PTN: variants seen among roughly 807,000 people sequenced by gnomAD.
The protein encoded by PTN is pleiotrophin.
A neutral mutation model predicts 24.1 loss-of-function variants in PTN; 18 were observed. That is an observed-to-expected ratio of 0.75 (90% CI 0.52 to 1.11). PTN has a LOEUF of 1.11. PTN is among the 50% of genes least tolerant of loss of function. The pLI is 0.00. For synonymous variants in PTN, 78 were observed against 68.6 expected, an observed-to-expected ratio of 1.14 and a Z score of -0.67; for missense variants, 163 against 198.8, an observed-to-expected ratio of 0.82 and a Z score of 1.08.
intron 1 of PTN, among the ~76,000 whole-genome samples, chr7:137,279,979 A>C (rs906296559): frequency 3.2e-4 from 48 of 152,192 alleles, no homozygotes; most frequent in Non-Finnish European, 4.7e-4. Context: ...TTATCAAATT[A>C]ATTGAATATT....
intron 1 of PTN, among the ~76,000 whole-genome samples, chr7:137,269,436 T>G (rs1809225944): frequency 6.6e-6 from 1 of 152,084 alleles, no homozygotes; most frequent in African/African-American, 2.4e-5. Context: ...CCCTGTCAGA[T>G]CTGTCTCATG....
chr7:137,333,583 T>A (rs13228711), intron 1 of PTN, among the ~76,000 whole-genome samples: 16,917 of 152,254 alleles, frequency 0.11, 1,186 homozygotes, highest in Middle Eastern at 0.21. Flanking sequence ...AATGCAGTTA[T>A]AGACGTTAAA....
At chr7:137,333,716 A>C (rs1463726498) in intron 1 of PTN, among the ~76,000 whole-genome samples, 3 of 152,216 alleles carry the variant, frequency 2.0e-5, no homozygotes, top group Non-Finnish European at 4.4e-5. Flanking sequence ...GGAACCAAAA[A>C]AGAGCCTGCA....
chr7:137,252,688 A>G (rs1353281416), intron 3 of PTN, among the ~76,000 whole-genome samples: 1 of 151,918 alleles, frequency 6.6e-6, no homozygotes, highest in Non-Finnish European at 1.5e-5. Flanking sequence ...GCATTTCCAT[A>G]GAACACAGAT....
intron 4 of PTN, among the ~76,000 whole-genome samples, chr7:137,243,466 A>G (rs1808668221): frequency 6.6e-6 from 1 of 152,200 alleles, no homozygotes; most frequent in African/African-American, 2.4e-5. Context: ...CCCACAGGAG[A>G]GAGGGGTAAG....
At chr7:137,253,669 A>G (rs1208972236) in intron 2 of PTN, 32 bp from the exon 3 acceptor site, 2 of 1,473,364 alleles carry the variant, frequency 1.4e-6, no homozygotes, top group African/African-American at 2.8e-5. Flanking sequence ...TAATCAACAT[A>G]CAGAAAACTC....
At chr7:137,329,814 C>T (rs886594280) in intron 1 of PTN, among the ~76,000 whole-genome samples, 3 of 152,124 alleles carry the variant, frequency 2.0e-5, no homozygotes, top group African/African-American at 7.2e-5. Flanking sequence ...ATACTCAATG[C>T]ATATTCAGGA....
Position 137,243,339 on chromosome 7 carries a change from G to T in PTN, c.451+7891C>A, listed in dbSNP as rs374900690. On this transcript the variant is annotated intron_variant, in intron 4 of 4. Coordinates refer to ENST00000348225, the MANE Select transcript of PTN (RefSeq NM_002825.7). ...TTCCCGCAGAAAATAAAAAGTGACT[G>T]GTAATTCCAGTGAGGAGAGACCCAA... Among the ~76,000 whole-genome samples the T allele has an allele frequency of 5.9e-5, 9 of 152,264 alleles. No homozygotes were observed. The East Asian group carries it at 9.7e-4, about 16-fold the overall frequency.
chr7:137,278,402 A>G (rs1233409656), intron 1 of PTN, among the ~76,000 whole-genome samples: 3 of 151,414 alleles, frequency 2.0e-5, no homozygotes, highest in Non-Finnish European at 2.9e-5. Flanking sequence ...ATTGTATGCT[A>G]TCTAGAAGAG....
In PTN at chr7:137,260,007, A is replaced by G. The variant is rs544547544; in HGVS notation, c.-1-5033T>C. Among the ~76,000 whole-genome samples, 30 of 152,286 alleles carry G rather than the reference A, an allele frequency of 2.0e-4. No homozygotes were observed. In the South Asian group the frequency reaches 6.0e-3, roughly 30 times the overall value. ...TTTAAAGTACCTAAGATTTTAAAAT[A>G]GCTACTACTCATTACACTTTTTGCT... is the stretch of plus-strand genomic sequence containing the variant. On this transcript the variant is annotated intron_variant, in intron 1 of 4. Coordinates refer to ENST00000348225, the MANE Select transcript of PTN (RefSeq NM_002825.7).
At chr7:137,266,868 CTTTTTTTTT>C (rs57274644) in intron 1 of PTN, among the ~76,000 whole-genome samples, 2 of 98,742 alleles carry the variant, frequency 2.0e-5, no homozygotes, top group Non-Finnish European at 4.3e-5. Flanking sequence ...TATAGATGGC[CTTTTTTTTT>C]TTTTTTTTTT....
At chr7:137,286,515 C>G (rs908267754) in intron 1 of PTN, among the ~76,000 whole-genome samples, 1 of 152,084 alleles carries the variant, frequency 6.6e-6, no homozygotes, top group Non-Finnish European at 1.5e-5. Flanking sequence ...AACATCATAT[C>G]CAACTTACGA....
intron 1 of PTN, among the ~76,000 whole-genome samples, chr7:137,307,359 T>G (rs322348): frequency 0.97 from 147,427 of 152,090 alleles, 71,583 homozygotes; most frequent in Non-Finnish European, 1. Context: ...GAGTTTCCAA[T>G]CCTGGTACCT....
chr7:137,251,170 TC>T lies in PTN; in HGVS notation c.451+59del, dbSNP rs2128870874. On this transcript the variant is annotated intron_variant, in intron 4 of 4. Coordinates refer to ENST00000348225, the MANE Select transcript of PTN (RefSeq NM_002825.7). Reference sequence around the variant, plus strand: ...ATTTCCTTCTGGAAAATGTGGGTTTTCCAGATCTTACCTGAGTCCATCAATC... The same window carrying T: ...ATTTCCTTCTGGAAAATGTGGGTTTTCAGATCTTACCTGAGTCCATCAATC... 4 of 1,571,822 alleles carry T rather than the reference TC, an allele frequency of 2.5e-6. No individual in the cohort carries two copies. In the East Asian group the frequency reaches 9.0e-5, roughly 35 times the overall value.
chr7:137,323,273 C>T (rs1162621371), intron 1 of PTN, among the ~76,000 whole-genome samples: 2 of 152,080 alleles, frequency 1.3e-5, no homozygotes, highest in Non-Finnish European at 2.9e-5. Context: ...TGATGGGTCA[C>T]CAACTAGAAA....
intron 4 of PTN, among the ~76,000 whole-genome samples, chr7:137,235,129 T>C (rs1009527366): frequency 2.6e-5 from 4 of 152,010 alleles, no homozygotes; most frequent in Non-Finnish European, 4.4e-5. Flanking sequence ...CACAAGGACT[T>C]ATCACAGAAA....
intron 4 of PTN, among the ~76,000 whole-genome samples, chr7:137,234,058 T>C (rs1278786536): frequency 6.6e-6 from 1 of 151,790 alleles, no homozygotes; most frequent in Non-Finnish European, 1.5e-5. Context: ...TAACGAGTTC[T>C]ATTTATGTTT....
At chr7:137,285,631 T>A (rs1260791458) in intron 1 of PTN, among the ~76,000 whole-genome samples, 3 of 152,040 alleles carry the variant, frequency 2.0e-5, no homozygotes, top group African/African-American at 7.2e-5. Flanking sequence ...GACAGCACCA[T>A]TGCACTCCAG....
chr7:137,319,436 G>A (rs1488780342), intron 1 of PTN, among the ~76,000 whole-genome samples: 1 of 152,118 alleles, frequency 6.6e-6, no homozygotes, highest in East Asian at 1.9e-4. Context: ...AGTTCTTTGG[G>A]GAGTCGTTCC....
Sources: gnomAD v4.1 joint callset for allele counts (sites outside exome capture counted in the v4.1 genomes callset) on GRCh38, gnomAD v4.1.1 for gene constraint, MANE v1.5 for transcripts, NCBI Gene and HGNC (gene_info 2026-07-23, HGNC 2026-07-21) for gene names.